Variants in CNBD2 observed in about 807,000 individuals in gnomAD.
CNBD2 encodes the protein cyclic nucleotide-binding domain-containing protein 2.
CNBD2 carries 64 observed loss-of-function variants against 63.7 expected under a neutral mutation model. The ratio of observed to expected loss-of-function variants is 1.00; its 90% CI spans 0.82 to 1.24. The LOEUF is 1.24. CNBD2 is among the 50% of genes most tolerant of loss of function. The pLI, the probability that CNBD2 is intolerant of heterozygous loss-of-function variation, is 0.00. For synonymous variants in CNBD2, 229 were observed against 255.4 expected (o/e 0.90, Z 0.99); for missense variants, 691 against 713.5 (o/e 0.97, Z 0.36).
Position 35,972,732 on chromosome 20 carries a change from C to G in CNBD2, c.155C>G (p.Ala52Gly). Residue 52 changes from alanine to glycine, a missense_variant, in exon 2 of 12, where the codon GCT (alanine) becomes GGT (glycine). Coordinates refer to ENST00000373973, the MANE Select transcript of CNBD2 (RefSeq NM_001365709.1). ...CGGGAATATCAAATCATTGAGACTG[C>G]TCACTGGAAGCACCCTATCTTCTCC... ...GFREYQIIET[A>G]HWKHPIFSFW... 6.2e-7 allele frequency: 1 copy of G among 1,614,098 alleles called. No individual in the cohort carries two copies. Among genetic ancestry groups the G allele is most frequent in the Non-Finnish European group, 8.5e-7 (1 of 1,180,002 alleles).
At chr20:35,968,062 T>A (rs1296660426), upstream of CNBD2, among the ~76,000 whole-genome samples, 1 of 152,174 alleles carries the variant, frequency 6.6e-6, no homozygotes, top group Admixed American at 6.5e-5. Flanking sequence ...TATGAGATGT[T>A]GGCAACTGTA....
At chr20:35,957,107 T>C (rs182647988), downstream of CNBD2, among the ~76,000 whole-genome samples, 60 of 152,320 alleles carry the variant, frequency 3.9e-4, no homozygotes, top group African/African-American at 1.3e-3. Context: ...TCCATCCCTA[T>C]TGAAATCGTG....
chr20:35,965,661 T>C (rs1184577689), upstream of CNBD2, among the ~76,000 whole-genome samples: 41 of 152,200 alleles, frequency 2.7e-4, no homozygotes, highest in Admixed American at 2.7e-3. Context: ...GAAATGAAAC[T>C]TTCTTAGTTT....
At chr20:35,969,855 A>G (rs1435226963) in intron 1 of CNBD2, among the ~76,000 whole-genome samples, 1 of 152,246 alleles carries the variant, frequency 6.6e-6, no homozygotes, top group Non-Finnish European at 1.5e-5. Context: ...AAGTACACAC[A>G]TCCTCAACTT....
At chr20:36,019,079 C>A (rs8122716) in intron 10 of CNBD2, among the ~76,000 whole-genome samples, 36,764 of 151,878 alleles carry the variant, frequency 0.24, 5,249 homozygotes, top group African/African-American at 0.39. Context: ...GGACAGACAA[C>A]AAACAGATAA....
In CNBD2 at chr20:36,015,975, CT is replaced by C. The variant is rs563977547; in HGVS notation, c.1269+4719del. On this transcript the variant is annotated intron_variant, in intron 10 of 11. Coordinates refer to ENST00000373973, the MANE Select transcript of CNBD2 (RefSeq NM_001365709.1). ...GAAGTAACTTTACAATGGAAAAAATCTGAAAAACACAGCCAGATCATCAAGG... is the reference window on the plus strand; with the variant it reads ...GAAGTAACTTTACAATGGAAAAAATCGAAAAACACAGCCAGATCATCAAGG... Among the ~76,000 whole-genome samples the C allele has an allele frequency of 2.6e-3, 401 of 152,260 alleles. 1 individual carries two copies. Among genetic ancestry groups the C allele is most frequent in the Middle Eastern group, 0.017 (5 of 294 alleles).
chr20:36,030,356 G>T lies in CNBD2; in HGVS notation c.1440-1G>T. 6.2e-7 allele frequency: 1 copy of T among 1,614,084 alleles called. No individual in the cohort carries two copies. The stretch of plus-strand genomic sequence containing the variant: ...CCTCGGCTTCTGTGCCTGCCCTTTA[G>T]TGATGAAGATATGTGCCAGAAGTTC... On this transcript the variant is annotated splice_acceptor_variant, in intron 11 of 11. Transcript: ENST00000373973. LOFTEE classifies it high-confidence loss of function.
intron 8 of CNBD2, among the ~76,000 whole-genome samples, chr20:36,006,038 T>C (rs1437145151): frequency 6.6e-6 from 1 of 151,902 alleles, no homozygotes; most frequent in Non-Finnish European, 1.5e-5. Flanking sequence ...TTTTTTTCTT[T>C]TTTTTTTTGA....
At chr20:35,960,849 CTCTCTTCCCT>C (rs1362599270) in intron 2 of CNBD2, among the ~76,000 whole-genome samples, 2 of 145,712 alleles carry the variant, frequency 1.4e-5, no homozygotes, top group Non-Finnish European at 3.0e-5. Flanking sequence ...TTCTCTTCCC[CTCTCTTCCCT>C]TCTCTTCCTT....
At chr20:35,993,783 TA>T (rs199802444) in intron 7 of CNBD2, among the ~76,000 whole-genome samples, 2,054 of 148,374 alleles carry the variant, frequency 0.014, 17 homozygotes, top group Middle Eastern at 0.035. Context: ...TTTAAATTTA[TA>T]AAAAAATTAT....
chr20:35,990,987 A>C (rs1264796264), intron 7 of CNBD2, among the ~76,000 whole-genome samples: 1 of 152,196 alleles, frequency 6.6e-6, no homozygotes, highest in Non-Finnish European at 1.5e-5. Flanking sequence ...TTCATCATAG[A>C]AGTTATACCA....
At chr20:35,980,649 ACCAGG>A in intron 4 of CNBD2, 27 bp downstream of exon 4, 1 of 1,610,492 alleles carries the variant, frequency 6.2e-7, no homozygotes, top group Non-Finnish European at 8.5e-7. Flanking sequence ...GCCCTTGGCC[ACCAGG>A]CTGAGGCTGG....
chr20:36,009,567 T>C (rs1244737399), intron 9 of CNBD2, among the ~76,000 whole-genome samples: 1 of 151,922 alleles, frequency 6.6e-6, no homozygotes, highest in East Asian at 2.0e-4. Context: ...CATGGTGGCT[T>C]ATGCCTGTAA....
intron 3 of CNBD2, among the ~76,000 whole-genome samples, chr20:35,977,150 G>A (rs1281621632): frequency 3.3e-5 from 5 of 152,198 alleles, no homozygotes; most frequent in Non-Finnish European, 7.3e-5. Context: ...CAGAACTCTA[G>A]ATATGAGGGC....
intron 7 of CNBD2, among the ~76,000 whole-genome samples, chr20:35,990,751 G>A (rs2056735009): frequency 6.6e-6 from 1 of 152,148 alleles, no homozygotes; most frequent in Admixed American, 6.6e-5. Context: ...AGGGGTTTGA[G>A]ACCAGCCTGG....
Position 35,984,089 on chromosome 20 carries a change from C to A in CNBD2, c.515C>A (p.Ala172Asp). ...AITKDEDGSS[A>D]FLDPHPKLLH... ...ACCAAGGACGAGGATGGCAGCAGTG[C>A]CTTCCTAGATCCCCACCCGAAATTG... The change falls in exon 5 of 12, where the codon GCC becomes GAC. Residue 172 changes from alanine (A) to aspartate (D), a missense_variant. Ala to Asp is a moderately radical substitution (Grantham distance 126). Coordinates refer to ENST00000373973, the MANE Select transcript of CNBD2 (RefSeq NM_001365709.1). The A allele has an allele frequency of 6.2e-7, 1 of 1,613,598 alleles. No individual in the cohort carries two copies. Among genetic ancestry groups the A allele is most frequent in the Non-Finnish European group, 8.5e-7 (1 of 1,179,708 alleles).
rs373337446 is a variant in CNBD2, at chr20:35,982,459, A to C, written c.408-1523A>C. ...CTATGAAGTACACGTTATCCCTTGAATGTGCCGTGCTTTGGGCCACCTCTG... is the reference window on the plus strand; with the variant it reads ...CTATGAAGTACACGTTATCCCTTGACTGTGCCGTGCTTTGGGCCACCTCTG... On this transcript the variant is annotated intron_variant, in intron 4 of 11. Transcript: ENST00000373973. Among the ~76,000 whole-genome samples the C allele has an allele frequency of 2.0e-5, 3 of 151,932 alleles. No homozygotes were observed. In the East Asian group the frequency reaches 5.8e-4, roughly 29 times the overall value.
chr20:35,968,664 C>G lies in CNBD2; in HGVS notation c.-99C>G. On this transcript the variant is annotated 5_prime_UTR_variant, in exon 1 of 12. In the 5' UTR this introduces an upstream ATG that the reference lacks. Coordinates refer to ENST00000373973, the MANE Select transcript of CNBD2 (RefSeq NM_001365709.1). The stretch of plus-strand genomic sequence containing the variant: ...GCTCTTGCCTTGTTACTGAGGAAAT[C>G]TATTTGTTTCTAGTATTACTGGATT... 1.2e-6 allele frequency: 1 copy of G among 832,604 alleles called. No homozygotes were observed. Among genetic ancestry groups the G allele is most frequent in the South Asian group, 1.5e-5 (1 of 66,272 alleles). The allele number at this position is 832,604 out of a possible 1,614,324, so 51.6% of individuals were successfully genotyped here. A position where few individuals can be genotyped will look rare whatever the true frequency, so the allele number is the denominator to read the frequency against.
chr20:36,013,998 A>G (rs1022417877), intron 10 of CNBD2, among the ~76,000 whole-genome samples: 5 of 152,018 alleles, frequency 3.3e-5, no homozygotes, highest in Admixed American at 1.3e-4. Flanking sequence ...TGGCTAACAC[A>G]GTGAAACCCC....
Sources: gnomAD v4.1 joint callset for allele counts (sites outside exome capture counted in the v4.1 genomes callset) on GRCh38, gnomAD v4.1.1 for gene constraint, MANE v1.5 for transcripts, NCBI Gene and HGNC (gene_info 2026-07-23, HGNC 2026-07-21) for gene names.